Variants in CADM2 observed in about 807,000 individuals in gnomAD.
The protein encoded by CADM2 is cell adhesion molecule 2.
Under a neutral mutation model 49.8 loss-of-function variants are expected in CADM2, and 12 were observed. The observed-to-expected ratio is 0.24, with a 90% CI of 0.15 to 0.39. The LOEUF is 0.39. CADM2 is among the 10% of genes least tolerant of loss of function. CADM2 has a pLI of 1.00. For synonymous variants in CADM2, 214 were observed against 175.4 expected (o/e 1.22, Z -1.74); for missense variants, 378 against 492.3 (o/e 0.77, Z 2.20).
intron 2 of CADM2, among the ~76,000 whole-genome samples, chr3:85,791,478 C>T (rs2071319080): frequency 6.8e-6 from 1 of 147,154 alleles, no homozygotes; most frequent in Non-Finnish European, 1.5e-5. Context: ...ATAAATACCC[C>T]TTACCAGTTG....
chr3:85,475,831 G>T (rs2038953440), intron 1 of CADM2, among the ~76,000 whole-genome samples: 1 of 151,848 alleles, frequency 6.6e-6, no homozygotes, highest in Non-Finnish European at 1.5e-5. Context: ...GATGTTTTAT[G>T]TTTCTAAACG....
chr3:85,412,083 G>A (rs2035681022), intron 1 of CADM2, among the ~76,000 whole-genome samples: 1 of 152,168 alleles, frequency 6.6e-6, no homozygotes, highest in African/African-American at 2.4e-5. Flanking sequence ...CCACACTTTA[G>A]CGGACCAAAG....
At chr3:85,323,181 C>A (rs959025384) in intron 1 of CADM2, among the ~76,000 whole-genome samples, 1 of 152,144 alleles carries the variant, frequency 6.6e-6, no homozygotes, top group Non-Finnish European at 1.5e-5. Flanking sequence ...CAGTCTAGGA[C>A]TGAATGCAAT....
chr3:85,070,848 G>A (rs1372924022), intron 1 of CADM2, among the ~76,000 whole-genome samples: 1 of 151,942 alleles, frequency 6.6e-6, no homozygotes, highest in Non-Finnish European at 1.5e-5. Context: ...AAATAGCTGG[G>A]CTGGGTGGTG....
At chr3:85,730,027 G>A (rs577903676) in intron 2 of CADM2, among the ~76,000 whole-genome samples, 1 of 152,250 alleles carries the variant, frequency 6.6e-6, no homozygotes, top group Non-Finnish European at 1.5e-5. Flanking sequence ...AATTTTCTAA[G>A]TTTAAAAGAT....
chr3:85,951,991 T>C (rs192566384), intron 7 of CADM2, among the ~76,000 whole-genome samples: 37 of 150,436 alleles, frequency 2.5e-4, no homozygotes, highest in Admixed American at 2.2e-3. Context: ...TAAAGGAAAA[T>C]AGTGGGCCCC....
intron 8 of CADM2, among the ~76,000 whole-genome samples, chr3:86,024,079 C>T (rs9830762): frequency 0.17 from 26,249 of 152,150 alleles, 2,295 homozygotes; most frequent in South Asian, 0.24. Flanking sequence ...TCAACTGAAT[C>T]GCATTAATAT....
At chr3:85,640,314 C>T (rs1480324532) in intron 1 of CADM2, among the ~76,000 whole-genome samples, 3 of 152,162 alleles carry the variant, frequency 2.0e-5, no homozygotes, top group Admixed American at 1.3e-4. Flanking sequence ...AACGAATGAG[C>T]AGAGCACAAT....
chr3:85,239,821 G>A (rs1416909162), intron 1 of CADM2, among the ~76,000 whole-genome samples: 5 of 151,204 alleles, frequency 3.3e-5, no homozygotes, highest in Non-Finnish European at 7.4e-5. Flanking sequence ...GTCTGAAAAT[G>A]TCAGGAAGGT....
At chr3:85,124,432 A>T (rs1278245619) in intron 1 of CADM2, among the ~76,000 whole-genome samples, 1 of 151,992 alleles carries the variant, frequency 6.6e-6, no homozygotes, top group Non-Finnish European at 1.5e-5. Flanking sequence ...GTGAGACTCC[A>T]TCTCTACCAA....
chr3:85,431,262 C>T (rs993627405), intron 1 of CADM2, among the ~76,000 whole-genome samples: 1 of 152,018 alleles, frequency 6.6e-6, no homozygotes, highest in Non-Finnish European at 1.5e-5. Flanking sequence ...TGCACAATCT[C>T]AGAACTGCCT....
chr3:85,720,108 G>T (rs1451444115), intron 1 of CADM2, among the ~76,000 whole-genome samples: 1 of 152,042 alleles, frequency 6.6e-6, no homozygotes, highest in African/African-American at 2.4e-5. Context: ...CCTCTAACTG[G>T]TATTTTCTGC....
chr3:86,002,205 C>A (rs980785753), intron 8 of CADM2, among the ~76,000 whole-genome samples: 4 of 152,064 alleles, frequency 2.6e-5, no homozygotes, highest in African/African-American at 9.7e-5. Context: ...TTTTATCAAG[C>A]CTGCATTTGC....
intron 1 of CADM2, among the ~76,000 whole-genome samples, chr3:84,984,001 T>G (rs898742002): frequency 4.0e-5 from 6 of 151,590 alleles, no homozygotes; most frequent in Admixed American, 2.0e-4. Context: ...ACTTTCAGAC[T>G]TTCTATTTTC....
At chr3:85,254,740 G>T (rs138648306) in intron 1 of CADM2, among the ~76,000 whole-genome samples, 1 of 152,192 alleles carries the variant, frequency 6.6e-6, no homozygotes, top group East Asian at 1.9e-4. Context: ...CTCATGAAAA[G>T]GCAAGAGGAG....
chr3:85,101,208 C>T (rs893083280), intron 1 of CADM2, among the ~76,000 whole-genome samples: 7 of 151,992 alleles, frequency 4.6e-5, no homozygotes, highest in South Asian at 2.1e-4. Context: ...GAGCCGAGAG[C>T]GCACCACTGC....
chr3:85,210,797 C>A (rs1166777307), intron 1 of CADM2, among the ~76,000 whole-genome samples: 1 of 152,120 alleles, frequency 6.6e-6, no homozygotes, highest in Non-Finnish European at 1.5e-5. Flanking sequence ...CCACCTCAGC[C>A]TCCTAGAGTA....
At chr3:85,180,514 G>GAAAAAAAAA (rs58932967) in intron 1 of CADM2, among the ~76,000 whole-genome samples, 4 of 77,294 alleles carry the variant, frequency 5.2e-5, no homozygotes, top group African/African-American at 1.2e-4. Flanking sequence ...GTCTCAAAAA[G>GAAAAAAAAA]AAAAAAAAAA....
At chr3:85,626,933 C>A (rs1305498899) in intron 1 of CADM2, among the ~76,000 whole-genome samples, 5 of 151,988 alleles carry the variant, frequency 3.3e-5, no homozygotes, top group South Asian at 2.1e-4. Flanking sequence ...CTTAAAGGCT[C>A]TGGTCCTTCA....
Sources: allele counts gnomAD v4.1 joint callset (sites outside exome capture counted in the v4.1 genomes callset), GRCh38; gene constraint gnomAD v4.1.1; transcripts MANE v1.5; gene names NCBI Gene and HGNC (gene_info 2026-07-23, HGNC 2026-07-21).